IARS2: variants seen among roughly 807,000 people sequenced by gnomAD.
IARS2 encodes isoleucyl-tRNA synthetase 2, mitochondrial.
IARS2 carries 56 observed loss-of-function variants against 126.3 expected under a neutral mutation model. The ratio of observed to expected loss-of-function variants is 0.44; its 90% CI spans 0.36 to 0.55. IARS2 has a LOEUF of 0.55. Ranked by LOEUF, IARS2 falls within the 20% of genes least tolerant of loss-of-function variation. IARS2 has a pLI of 0.00. For missense variants in IARS2, 1,127 were observed against 1,245.9 expected (o/e 0.90, Z 1.44); for synonymous variants, 407 against 441.1 (o/e 0.92, Z 0.97).
At position 220,094,281 on chromosome 1, in the gene IARS2, G is replaced by T. The variant is rs1227102035; in HGVS notation, c.65G>T (p.Trp22Leu). Reference protein sequence around the residue: ...AAALATARSLWGTPRLPCSPG... With the variant: ...AAALATARSLLGTPRLPCSPG... ...GCCCTGGCCACTGCCCGAAGTTTGT[G>T]GGGGACGCCCCGCCTTCCCTGCAGC... Residue 22 changes from tryptophan (W) to leucine (L), a missense_variant, in exon 1 of 23, where the codon TGG becomes TTG. Coordinates refer to ENST00000366922, the MANE Select transcript of IARS2 (RefSeq NM_018060.4). The T allele has an allele frequency of 6.2e-7, 1 of 1,610,256 alleles. No individual in the cohort carries two copies.
At chr1:220,118,532 G>C (rs1656974243) in intron 12 of IARS2, among the ~76,000 whole-genome samples, 1 of 151,974 alleles carries the variant, frequency 6.6e-6, no homozygotes, top group African/African-American at 2.4e-5. Context: ...TCTGTTACTA[G>C]TCAATAAAAA....
rs567503349 is a variant in IARS2, at chr1:220,131,589, C to T, written c.1838-2813C>T. Among the ~76,000 whole-genome samples the T allele has an allele frequency of 4.6e-5, 7 of 152,086 alleles. No homozygotes were observed. The East Asian group carries it at 5.8e-4, about 13-fold the overall frequency. On this transcript the variant is annotated intron_variant, in intron 14 of 22. Coordinates refer to ENST00000366922, the MANE Select transcript of IARS2 (RefSeq NM_018060.4). ...TGGACTCAGAACTCCCCACCTCAGG[C>T]GATCTGTCCGCCTAAGCCTCCCAAA...
rs762307801 is a variant in IARS2 at position 220,147,654 on chromosome 1, G to C, written c.*19G>C. The C allele has an allele frequency of 2.5e-6, 4 of 1,613,112 alleles. No individual in the cohort carries two copies. The highest frequency in any genetic ancestry group is 1.7e-5 in the Admixed American group (1 of 59,994). ...AAAATAGTATTAACAGCTCACTCGA[G>C]CAAGAACCCTCCTGACAGTACTGGC... On this transcript the variant is annotated 3_prime_UTR_variant, in exon 23 of 23. Coordinates refer to ENST00000366922, the MANE Select transcript of IARS2 (RefSeq NM_018060.4).
In IARS2 at chr1:220,102,116, G is replaced by A. The variant is rs377482718; in HGVS notation, c.551-13G>A. On this transcript the variant is annotated splice_polypyrimidine_tract_variant and intron_variant, in intron 3 of 22. Coordinates refer to ENST00000366922, the MANE Select transcript of IARS2 (RefSeq NM_018060.4). ...ATTGGTTTTTTAAAATCTTTTTTTC[G>A]TCTTTTTTTTAGCTAGATCATTTGC... 2.1e-5 allele frequency: 33 copies of A among 1,588,332 alleles called. No homozygotes were observed. Among genetic ancestry groups the A allele is most frequent in the South Asian group, 1.0e-4 (9 of 86,190 alleles).
chr1:220,142,373 G>A (rs111717859), intron 20 of IARS2, among the ~76,000 whole-genome samples: 7,364 of 152,128 alleles, frequency 0.048, 198 homozygotes, highest in African/African-American at 0.072. Flanking sequence ...GTGGTGGCGG[G>A]TGCCTGTAGT....
At chr1:220,112,555 CTTTTT>C (rs750583631) in intron 11 of IARS2, among the ~76,000 whole-genome samples, 2 of 116,108 alleles carry the variant, frequency 1.7e-5, no homozygotes, top group Non-Finnish European at 3.5e-5. Context: ...AAGATAAGCT[CTTTTT>C]TTTTTTTTTT....
At position 220,117,680 on chromosome 1, in the gene IARS2, T is replaced by A. The variant is rs376996477; in HGVS notation, c.1640+3206T>A. Among the ~76,000 whole-genome samples, 116 of 152,260 alleles carry A rather than the reference T, an allele frequency of 7.6e-4. 2 individuals carry two copies. The South Asian group carries it at 0.023, about 30-fold the overall frequency. On this transcript the variant is annotated intron_variant, in intron 12 of 22. Transcript: ENST00000366922. ...TCCTGATAATTAAATGGTACATAGG[T>A]TGACTGGTCAGTAAGTTAGGTTAAA...
chr1:220,094,973 T>TA (rs138663487), intron 1 of IARS2, among the ~76,000 whole-genome samples: 11,733 of 148,988 alleles, frequency 0.079, 551 homozygotes, highest in South Asian at 0.16. Flanking sequence ...CCCCCGTCCT[T>TA]AAAAAAAACC....
chr1:220,132,287 A>C (rs979489726), intron 14 of IARS2, among the ~76,000 whole-genome samples: 1 of 152,144 alleles, frequency 6.6e-6, no homozygotes, highest in East Asian at 1.9e-4. Flanking sequence ...GGTAGAATTC[A>C]GCAGTAAAGC....
chr1:220,142,883 A>G (rs906605680), intron 20 of IARS2, 61 bp from the exon 21 acceptor site: 20 of 1,169,852 alleles, frequency 1.7e-5, no homozygotes, highest in Non-Finnish European at 2.4e-5. Flanking sequence ...TTTAATGGTT[A>G]GAGCTTCATA....
chr1:220,130,336 G>T (rs1001288667), intron 14 of IARS2, among the ~76,000 whole-genome samples: 5 of 152,072 alleles, frequency 3.3e-5, no homozygotes, highest in Admixed American at 2.0e-4. Context: ...TCACTGTGTT[G>T]TTTCCTTTGT....
intron 22 of IARS2, among the ~76,000 whole-genome samples, 177 bp from the exon 23 acceptor site, chr1:220,147,316 G>C (rs957934152): frequency 1.5e-4 from 23 of 152,142 alleles, no homozygotes; most frequent in African/African-American, 5.6e-4. Context: ...TTCAGGTGTT[G>C]AGTTGTATGA....
rs1226145228 is a variant in IARS2, at chr1:220,110,943, A to G, written c.1479+6A>G. 1 of 1,611,566 alleles carries G rather than the reference A, an allele frequency of 6.2e-7. No individual in the cohort carries two copies. The highest frequency in any genetic ancestry group is 8.5e-7 in the Non-Finnish European group (1 of 1,179,372). ...ATATTAAGACTGCAGCCAAGGTATA[A>G]AAAGCATCCTGTTTTAACAGGTCGG... On this transcript the variant is annotated splice_donor_region_variant and intron_variant, in intron 11 of 22. Coordinates refer to ENST00000366922, the MANE Select transcript of IARS2 (RefSeq NM_018060.4).
intron 14 of IARS2, among the ~76,000 whole-genome samples, chr1:220,132,044 C>A (rs1406334135): frequency 1.3e-5 from 2 of 151,738 alleles, no homozygotes; most frequent in African/African-American, 4.8e-5. Context: ...GATCCACCTG[C>A]CTTGGCCTCC....
chr1:220,113,530 CAAATT>C (rs903702195), intron 11 of IARS2, among the ~76,000 whole-genome samples: 3 of 151,530 alleles, frequency 2.0e-5, no homozygotes, highest in African/African-American at 7.3e-5. Flanking sequence ...TGCTAGTTGA[CAAATT>C]AAATCAAATG....
rs774586994 is a variant in IARS2 at position 220,094,256 on chromosome 1, G to T, written c.40G>T (p.Ala14Ser). 5.0e-6 allele frequency: 8 copies of T among 1,604,410 alleles called. No individual in the cohort carries two copies. In the Admixed American group the frequency reaches 5.1e-5, roughly 10 times the overall value. The change falls in exon 1 of 23, where the codon GCC becomes TCC. Residue 14 changes from alanine (A) to serine (S), a missense_variant. Ala to Ser is a moderately conservative substitution (Grantham distance 99). Transcript: ENST00000366922. ...GLRPRGPGAA[A>S]LATARSLWGT... ...GCGCCCTCGCGGGCCGGGCGCGGCC[G>T]CCCTGGCCACTGCCCGAAGTTTGTG...
rs369155122 is a variant in IARS2 at position 220,102,364 on chromosome 1, G to A, written c.701G>A (p.Gly234Asp). 11 of 1,613,486 alleles carry A rather than the reference G, an allele frequency of 6.8e-6. No homozygotes were observed. In the East Asian group the frequency reaches 2.0e-4, roughly 29 times the overall value. Residue 234 changes from glycine to aspartate, a missense_variant and splice_region_variant, in exon 5 of 23, where the codon GGC becomes GAC. Coordinates refer to ENST00000366922, the MANE Select transcript of IARS2 (RefSeq NM_018060.4). Reference protein sequence around the residue: ...LRTFYQMYDKGLVYRSYKPVF... With the variant: ...LRTFYQMYDKDLVYRSYKPVF... ...ACATCATATTTTTGTCTTTTATAGG[G>A]CTTGGTTTATCGATCTTACAAACCT...
intron 9 of IARS2, among the ~76,000 whole-genome samples, chr1:220,106,702 G>A (rs1265310594): frequency 1.3e-5 from 2 of 148,748 alleles, no homozygotes; most frequent in Admixed American, 6.8e-5. Context: ...GTATGATCTC[G>A]GCTCACTGCA....
chr1:220,106,089 T>C, intron 9 of IARS2, 29 bp downstream of exon 9: 1 of 1,527,156 alleles, frequency 6.5e-7, no homozygotes, highest in Admixed American at 2.0e-5. Context: ...CATTTTTAAT[T>C]ATTCATCTTA....
Sources: gnomAD v4.1 joint callset for allele counts (sites outside exome capture counted in the v4.1 genomes callset) on GRCh38, gnomAD v4.1.1 for gene constraint, MANE v1.5 for transcripts, NCBI Gene and HGNC (gene_info 2026-07-23, HGNC 2026-07-21) for gene names.